The following HIKESHI variants were observed in gnomAD, a reference collection of about 807,000 sequenced individuals.
HIKESHI encodes the protein heat shock protein nuclear import factor hikeshi.
A neutral mutation model predicts 25.7 loss-of-function variants in HIKESHI; 13 were observed. The observed-to-expected ratio is 0.51, with a 90% CI of 0.33 to 0.80. HIKESHI has a LOEUF of 0.80. Among genes scored for constraint, HIKESHI ranks in the 30% least tolerant of loss-of-function variants. The pLI, the probability that HIKESHI is intolerant of heterozygous loss-of-function variation, is 0.02. For synonymous variants in HIKESHI, 76 were observed against 78.7 expected (o/e 0.97, Z 0.18); for missense variants, 174 against 229.5 (o/e 0.76, Z 1.56).
At chr11:86,326,060 G>A (rs920452708) in intron 2 of HIKESHI, among the ~76,000 whole-genome samples, 4 of 152,186 alleles carry the variant, frequency 2.6e-5, no homozygotes, top group East Asian at 1.9e-4. Context: ...CACTTTGGGA[G>A]GCTGAGGCGG....
chr11:86,302,614 G>C (rs1946526335), intron 1 of HIKESHI, 136 bp downstream of exon 1: 1 of 955,218 alleles, frequency 1.0e-6, no homozygotes, highest in Admixed American at 2.6e-5. Context: ...TGAGGATGGA[G>C]CGTGGGAAGC....
intron 2 of HIKESHI, among the ~76,000 whole-genome samples, chr11:86,327,020 G>A (rs1947298518): frequency 1.3e-5 from 2 of 152,136 alleles, no homozygotes; most frequent in African/African-American, 4.8e-5. Flanking sequence ...GAGCCTAGGA[G>A]TTTGAGACTG....
At chr11:86,331,336 A>G (rs1234117341) in intron 2 of HIKESHI, among the ~76,000 whole-genome samples, 3 of 152,116 alleles carry the variant, frequency 2.0e-5, no homozygotes, top group Non-Finnish European at 4.4e-5. Flanking sequence ...TAAAAATACA[A>G]AAATTAGCTG....
intron 2 of HIKESHI, among the ~76,000 whole-genome samples, chr11:86,307,190 T>C (rs1946654021): frequency 1.2e-5 from 1 of 80,858 alleles, no homozygotes; most frequent in African/African-American, 4.8e-5. Context: ...ATATATATTA[T>C]GTGTAATATA....
At chr11:86,313,976 G>A (rs1946904900) in intron 2 of HIKESHI, among the ~76,000 whole-genome samples, 2 of 152,166 alleles carry the variant, frequency 1.3e-5, no homozygotes, top group Non-Finnish European at 2.9e-5. Flanking sequence ...AGAAAGATAG[G>A]CATGGATTAT....
intron 2 of HIKESHI, among the ~76,000 whole-genome samples, chr11:86,328,017 A>G (rs897203422): frequency 2.6e-5 from 4 of 152,186 alleles, no homozygotes; most frequent in African/African-American, 9.7e-5. Flanking sequence ...GTACTACATG[A>G]AAAACTAATA....
intron 2 of HIKESHI, among the ~76,000 whole-genome samples, chr11:86,317,119 A>T (rs760674766): frequency 6.6e-6 from 1 of 152,086 alleles, no homozygotes; most frequent in Non-Finnish European, 1.5e-5. Flanking sequence ...TAACACAAGG[A>T]ACCAAAAGAA....
chr11:86,344,552 T>C (rs1947818636), intron 3 of HIKESHI, 51 bp from the exon 4 acceptor site: 1 of 1,046,804 alleles, frequency 9.6e-7, no homozygotes, highest in Non-Finnish European at 1.4e-6. Flanking sequence ...AAATATTGAG[T>C]TCTAAATGAA....
At chr11:86,324,357 A>G (rs1288026992) in intron 2 of HIKESHI, 6 of 152,222 alleles carry the variant, frequency 3.9e-5, no homozygotes, top group African/African-American at 1.4e-4. Flanking sequence ...TTCCATTATA[A>G]CAAGACTATT....
intron 2 of HIKESHI, among the ~76,000 whole-genome samples, chr11:86,318,669 A>C (rs1947063865): frequency 6.6e-6 from 1 of 152,180 alleles, no homozygotes; most frequent in African/African-American, 2.4e-5. Flanking sequence ...TTATTACTAG[A>C]AAATTCAAGC....
rs184371377 is a variant in HIKESHI at position 86,332,803 on chromosome 11, A to G, written c.269-4576A>G. 1.2e-4 allele frequency among the ~76,000 whole-genome samples: 19 copies of G among 152,302 alleles called. No individual in the cohort carries two copies. The East Asian group carries it at 3.7e-3, about 29-fold the overall frequency. On this transcript the variant is annotated intron_variant, in intron 2 of 4. Coordinates refer to ENST00000278483, the MANE Select transcript of HIKESHI (RefSeq NM_016401.4). ...TAAACAACCCTTTAAATATTTGAAA[A>G]CCATTCTTAGCTCCCACGTCATACA...
intron 2 of HIKESHI, 102 bp from the exon 3 acceptor site, chr11:86,337,277 T>G: frequency 8.7e-7 from 1 of 1,147,440 alleles, no homozygotes; most frequent in Non-Finnish European, 1.2e-6. Flanking sequence ...GACATAAAAC[T>G]TTTTCATGTA....
In HIKESHI at chr11:86,337,542, T is replaced by C; in HGVS notation, c.420+12T>C. 1.2e-6 allele frequency: 2 copies of C among 1,608,070 alleles called. No individual in the cohort carries two copies. Among genetic ancestry groups the C allele is most frequent in the Non-Finnish European group, 1.7e-6 (2 of 1,177,704 alleles). ...ACTCATTCACTCAGGTAATGCAACA[T>C]ACATTTCATTCTTTACCTCCCCCTC... On this transcript the variant is annotated intron_variant, in intron 3 of 4. Coordinates refer to ENST00000278483, the MANE Select transcript of HIKESHI (RefSeq NM_016401.4).
intron 2 of HIKESHI, among the ~76,000 whole-genome samples, chr11:86,319,242 A>ATATATATATATATATTTTT (rs1383589741): frequency 2.1e-5 from 2 of 94,942 alleles, no homozygotes; most frequent in African/African-American, 9.2e-5. Context: ...ATATATATAT[A>ATATATATATATATATTTTT]TTTTTTTTTT....
intron 2 of HIKESHI, among the ~76,000 whole-genome samples, chr11:86,334,077 G>A (rs938242154): frequency 1.3e-5 from 2 of 152,140 alleles, no homozygotes; most frequent in African/African-American, 4.8e-5. Flanking sequence ...TGGTTGATGG[G>A]CAGTTGTATT....
intron 2 of HIKESHI, among the ~76,000 whole-genome samples, chr11:86,310,831 T>C (rs952669922): frequency 1.3e-5 from 2 of 152,244 alleles, no homozygotes; most frequent in Non-Finnish European, 2.9e-5. Context: ...ATGTGGTTTT[T>C]GTCTTTGGTT....
At chr11:86,341,008 C>T (rs1295863399) in intron 3 of HIKESHI, among the ~76,000 whole-genome samples, 1 of 152,168 alleles carries the variant, frequency 6.6e-6, no homozygotes, top group Non-Finnish European at 1.5e-5. Context: ...TTCTATTCTG[C>T]TCCTTAGAAG....
intron 2 of HIKESHI, among the ~76,000 whole-genome samples, chr11:86,321,524 T>C (rs148209137): frequency 6.7e-6 from 1 of 149,056 alleles, no homozygotes; most frequent in East Asian, 2.0e-4. Context: ...AACATGGTTG[T>C]TTTGTTTTAC....
intron 2 of HIKESHI, among the ~76,000 whole-genome samples, chr11:86,308,559 T>TTTTATTTATTTATTTA (rs71468999): frequency 0.027 from 3,849 of 142,538 alleles, 72 homozygotes; most frequent in African/African-American, 0.035. Context: ...CCATAATTCT[T>TTTTATTTATTTATTTA]TTTATTTATT....
Sources: gnomAD v4.1 joint callset for allele counts (sites outside exome capture counted in the v4.1 genomes callset) on GRCh38, gnomAD v4.1.1 for gene constraint, MANE v1.5 for transcripts, NCBI Gene and HGNC (gene_info 2026-07-23, HGNC 2026-07-21) for gene names.